SCN2A: variants seen among roughly 807,000 people sequenced by gnomAD.
SCN2A encodes the protein sodium voltage-gated channel alpha subunit 2, also known as sodium channel protein type 2 subunit alpha.
Under a neutral mutation model 188.7 loss-of-function variants are expected in SCN2A, and 20 were observed. The observed-to-expected ratio is 0.11, with a 90% CI of 0.07 to 0.15. The LOEUF is 0.15. SCN2A is among the 10% of genes least tolerant of loss of function. SCN2A has a pLI of 1.00. For synonymous variants in SCN2A, 804 were observed against 833.1 expected (o/e 0.97, Z 0.60); for missense variants, 1,278 against 2,445.0 (o/e 0.52, Z 10.07).
intron 1 of SCN2A, among the ~76,000 whole-genome samples, chr2:165,246,219 T>C (rs770641760): frequency 1.3e-5 from 2 of 152,218 alleles, no homozygotes; most frequent in Non-Finnish European, 2.9e-5. Flanking sequence ...CCTTAGAAGA[T>C]AGGAATTTAG....
intron 3 of SCN2A, among the ~76,000 whole-genome samples, chr2:165,298,081 G>A (rs976694687): frequency 6.6e-6 from 1 of 152,194 alleles, no homozygotes; most frequent in African/African-American, 2.4e-5. Flanking sequence ...GTCATGGGAG[G>A]AGGAGTGATA....
At position 165,343,702 on chromosome 2, in the gene SCN2A, G is replaced by A. The variant is rs942960562; in HGVS notation, c.2563-853G>A. On this transcript the variant is annotated intron_variant, in intron 15 of 26. Coordinates refer to ENST00000375437, the MANE Select transcript of SCN2A (RefSeq NM_001040142.2). ...CTTTAACCATAAATGGTACTTCAGT[G>A]AACTCTAAAGCTAATACAACCAATA... 2.0e-5 allele frequency among the ~76,000 whole-genome samples: 3 copies of A among 152,244 alleles called. No homozygotes were observed. In the South Asian group the frequency reaches 6.2e-4, roughly 32 times the overall value.
At chr2:165,293,038 T>C (rs1456524282) in intron 1 of SCN2A, among the ~76,000 whole-genome samples, 1 of 152,230 alleles carries the variant, frequency 6.6e-6, no homozygotes, top group Non-Finnish European at 1.5e-5. Context: ...AAGATTGGTG[T>C]CTCACTGGGT....
At chr2:165,293,783 G>A (rs972360748) in intron 1 of SCN2A, 81 of 950,764 alleles carry the variant, frequency 8.5e-5, no homozygotes, top group Non-Finnish European at 8.8e-5. Context: ...TTAATGTTTC[G>A]TTCCAAGAAA....
At chr2:165,311,923 CATT>C (rs1697456067) in intron 7 of SCN2A, 99 bp from the exon 8 acceptor site, 2 of 738,676 alleles carry the variant, frequency 2.7e-6, no homozygotes, top group Middle Eastern at 3.3e-4. Flanking sequence ...TTATCCATCT[CATT>C]ATGATTGAAA....
intron 25 of SCN2A, among the ~76,000 whole-genome samples, chr2:165,383,424 C>T (rs1334695031): frequency 1.3e-5 from 2 of 152,190 alleles, no homozygotes; most frequent in African/African-American, 2.4e-5. Flanking sequence ...TGCAGAAAGT[C>T]AAGGTTCATT....
At chr2:165,321,316 A>G (rs377674740) in intron 11 of SCN2A, among the ~76,000 whole-genome samples, 6 of 152,242 alleles carry the variant, frequency 3.9e-5, no homozygotes, top group African/African-American at 1.4e-4. Flanking sequence ...ATAAGTCTCT[A>G]GAAAGTTCCA....
intron 25 of SCN2A, 37 bp from the exon 26 acceptor site, chr2:165,386,709 G>T: frequency 6.3e-7 from 1 of 1,587,302 alleles, no homozygotes; most frequent in South Asian, 1.1e-5. Context: ...TTTTTTTTAA[G>T]GTTTCTAATG....
intron 1 of SCN2A, chr2:165,294,276 T>G: frequency 1.2e-5 from 3 of 251,590 alleles, no homozygotes; most frequent in South Asian, 1.5e-4. Context: ...GTCTCTTCTA[T>G]TAGAGAATCC....
intron 1 of SCN2A, among the ~76,000 whole-genome samples, chr2:165,265,576 CA>C (rs1694821157): frequency 1.5e-5 from 2 of 136,398 alleles, no homozygotes; most frequent in Admixed American, 7.6e-5. Flanking sequence ...TCCCTTAACT[CA>C]AAAAAATATT....
At chr2:165,355,616 A>C (rs1410636558) in intron 17 of SCN2A, among the ~76,000 whole-genome samples, 2 of 152,152 alleles carry the variant, frequency 1.3e-5, no homozygotes, top group Non-Finnish European at 1.5e-5. Flanking sequence ...AGGAAGATAA[A>C]AGCTTCTATT....
In SCN2A at chr2:165,388,813, G is replaced by A. The variant is rs1423260538; in HGVS notation, c.5007G>A (p.Leu1669=). 1 of 1,613,852 alleles carries A rather than the reference G, an allele frequency of 6.2e-7. No individual in the cohort carries two copies. The highest frequency in any genetic ancestry group is 1.3e-5 in the African/African-American group (1 of 74,888). ...ALFNIGLLLF[L]VMFIYAIFGM... is the part of the protein sequence containing the mutation. ...TTAACATCGGCCTCCTTCTTTTCCTGGTCATGTTCATCTACGCCATCTTTG... is the reference window on the plus strand; with the variant it reads ...TTAACATCGGCCTCCTTCTTTTCCTAGTCATGTTCATCTACGCCATCTTTG... The change falls in exon 27 of 27, where the codon CTG becomes CTA. Residue 1669 remains leucine, a synonymous_variant. Coordinates refer to ENST00000375437, the MANE Select transcript of SCN2A (RefSeq NM_001040142.2).
chr2:165,242,547 CAG>C (rs1409642593), intron 1 of SCN2A, among the ~76,000 whole-genome samples: 1 of 152,018 alleles, frequency 6.6e-6, no homozygotes, highest in African/African-American at 2.4e-5. Flanking sequence ...ATGGCAGAGA[CAG>C]GGGCTCTGAG....
intron 1 of SCN2A, chr2:165,266,654 A>G (rs1694877426): frequency 6.6e-6 from 1 of 152,098 alleles, no homozygotes; most frequent in African/African-American, 2.4e-5. Context: ...TTAGACATTC[A>G]TTGTCTTTTG....
At chr2:165,249,992 C>T (rs540564928) in intron 1 of SCN2A, among the ~76,000 whole-genome samples, 15 of 152,066 alleles carry the variant, frequency 9.9e-5, no homozygotes, top group Admixed American at 1.3e-4. Flanking sequence ...CTAACTCAAA[C>T]GTCACTTCCT....
At chr2:165,272,438 A>G (rs1695144298) in intron 1 of SCN2A, 1 of 152,082 alleles carries the variant, frequency 6.6e-6, no homozygotes, top group Non-Finnish European at 1.5e-5. Context: ...TTATCCCAGT[A>G]GTTGCTAGAA....
At chr2:165,299,495 T>C (rs559398190) in intron 3 of SCN2A, among the ~76,000 whole-genome samples, 1 of 152,330 alleles carries the variant, frequency 6.6e-6, no homozygotes, top group African/African-American at 2.4e-5. Context: ...GTCTCTAATT[T>C]CCTGACTTAA....
chr2:165,256,822 C>T (rs1028507657), intron 1 of SCN2A, among the ~76,000 whole-genome samples: 4 of 152,070 alleles, frequency 2.6e-5, no homozygotes, highest in African/African-American at 9.7e-5. Context: ...GCTTACTCAT[C>T]ATTACAGAAG....
At position 165,373,346 on chromosome 2, in the gene SCN2A, G is replaced by A. The variant is rs761654525; in HGVS notation, c.3971G>A (p.Arg1324Lys). The stretch of plus-strand genomic sequence containing the variant: ...GCTTTGTCCCGGTTTGAAGGAATGA[G>A]GGTAAGACTGAATGCCTTAGAGTTT... ...LRALSRFEGM[R>K]VVVNALLGAI... Residue 1324 changes from arginine to lysine, a missense_variant and splice_region_variant, in exon 21 of 27, where the codon AGG becomes AAG. By Grantham distance (26) the Arg-to-Lys change is conservative (BLOSUM62 2). Around this residue, in one of 17 missense-constraint regions of SCN2A, gnomAD observed 39 missense variants for 130.2 expected, o/e 0.30. Coordinates refer to ENST00000375437, the MANE Select transcript of SCN2A (RefSeq NM_001040142.2). 5.0e-6 allele frequency: 8 copies of A among 1,613,152 alleles called. No individual in the cohort carries two copies. The highest frequency in any genetic ancestry group is 1.7e-5 in the Admixed American group (1 of 59,954).
Sources: allele counts gnomAD v4.1 joint callset (sites outside exome capture counted in the v4.1 genomes callset), GRCh38; gene constraint gnomAD v4.1.1; regional missense constraint gnomAD v4.1.1; transcripts MANE v1.5; gene names NCBI Gene and HGNC (gene_info 2026-07-23, HGNC 2026-07-21).